PHYHD1: variants seen among roughly 807,000 people sequenced by gnomAD.
The protein encoded by PHYHD1 is phytanoyl-CoA dioxygenase domain-containing protein 1.
In PHYHD1, 42 loss-of-function variants were observed where a neutral mutation model predicts 43.6. The ratio of observed to expected loss-of-function variants is 0.96; its 90% CI spans 0.75 to 1.25. The LOEUF is 1.25. Among genes scored for constraint, PHYHD1 ranks in the 50% most tolerant of loss-of-function variants. The pLI, the probability that PHYHD1 is intolerant of heterozygous loss-of-function variation, is 0.00. For missense variants in PHYHD1, 342 were observed against 370.8 expected (o/e 0.92, Z 0.64); for synonymous variants, 139 against 143.6 (o/e 0.97, Z 0.23).
chr9:128,942,039 G>C (rs948186240), downstream of PHYHD1: 1 of 427,290 alleles, frequency 2.3e-6, no homozygotes, highest in Non-Finnish European at 4.3e-6. Context: ...TCAGAATGCA[G>C]CTTCCCTACT....
intron 4 of PHYHD1, among the ~76,000 whole-genome samples, chr9:128,928,849 G>A (rs1215860913): frequency 2.0e-5 from 3 of 152,148 alleles, no homozygotes; most frequent in Non-Finnish European, 4.4e-5. Flanking sequence ...ATCAGTGGGC[G>A]TCCTGTTTCA....
At chr9:128,938,406 G>A (rs1407402658) in intron 9 of PHYHD1, among the ~76,000 whole-genome samples, 5 of 152,104 alleles carry the variant, frequency 3.3e-5, no homozygotes, top group East Asian at 1.9e-4. Flanking sequence ...AGGGCTGCAT[G>A]GGCCTGGGAA....
chr9:128,927,008 G>C, intron 3 of PHYHD1, 30 bp from the exon 4 acceptor site: 2 of 1,614,020 alleles, frequency 1.2e-6, no homozygotes, highest in Non-Finnish European at 1.7e-6. Flanking sequence ...TTGCAGACTG[G>C]GGAAGCCTGA....
intron 9 of PHYHD1, chr9:128,937,991 G>C: frequency 4.2e-6 from 6 of 1,421,660 alleles, no homozygotes; most frequent in Non-Finnish European, 5.5e-6. Flanking sequence ...GAGCCTGCCA[G>C]CAACCCCAGC....
intron 3 of PHYHD1, among the ~76,000 whole-genome samples, chr9:128,925,350 C>T (rs987122689): frequency 1.1e-4 from 17 of 151,608 alleles, no homozygotes; most frequent in Non-Finnish European, 1.9e-4. Context: ...CTCAGCCTCC[C>T]GAGTAGCTGG....
rs539023708 is a variant in PHYHD1, at chr9:128,936,506, G to A, written c.372+3G>A. ...TCACACACTCCTTCAAGGTGCAGGT[G>A]AGCAGAGGTGGGGGTGAGGGCCAGG... On this transcript the variant is annotated splice_donor_region_variant and intron_variant, in intron 7 of 12. Coordinates refer to ENST00000372592, the MANE Select transcript of PHYHD1 (RefSeq NM_001100876.2). 1.2e-6 allele frequency: 2 copies of A among 1,613,802 alleles called. No homozygotes were observed. The highest frequency in any genetic ancestry group is 2.2e-5 in the East Asian group (1 of 44,862).
chr9:128,929,089 G>C (rs1841208140), intron 4 of PHYHD1, among the ~76,000 whole-genome samples: 1 of 152,194 alleles, frequency 6.6e-6, no homozygotes, highest in Non-Finnish European at 1.5e-5. Context: ...AGCAGTTTGG[G>C]AGGCCAAGCA....
In PHYHD1 at chr9:128,930,169, A is replaced by G. The variant is rs577182892; in HGVS notation, c.192+2973A>G. 7.2e-5 allele frequency among the ~76,000 whole-genome samples: 11 copies of G among 151,916 alleles called. No homozygotes were observed. The South Asian group carries it at 1.0e-3, about 14-fold the overall frequency. On this transcript the variant is annotated intron_variant, in intron 4 of 12. Transcript: ENST00000372592. ...GTGATGCACGTGTGTAATCCTGGCT[A>G]CTTGGGAGGCTGAGACAGGAGGATA...
chr9:128,940,273 GA>G, intron 9 of PHYHD1, 95 bp from the exon 10 acceptor site: 1 of 1,547,426 alleles, frequency 6.5e-7, no homozygotes, highest in Non-Finnish European at 8.8e-7. Flanking sequence ...GCTGGCCCTG[GA>G]GAGCACCCAG....
At chr9:128,933,425 C>T (rs1238483419) in intron 4 of PHYHD1, among the ~76,000 whole-genome samples, 3 of 152,016 alleles carry the variant, frequency 2.0e-5, no homozygotes, top group Non-Finnish European at 4.4e-5. Flanking sequence ...AGGTGTGAGT[C>T]GTTACTCCCA....
rs779247389 is a variant in PHYHD1, at chr9:128,940,734, CAG to C, written c.703+24_703+25del. 43 of 1,608,888 alleles carry C rather than the reference CAG, an allele frequency of 2.7e-5. No homozygotes were observed. The African/African-American group carries it at 5.2e-4, about 20-fold the overall frequency. The stretch of plus-strand genomic sequence containing the variant: ...CAGAGAGGTAGGCAGATGCAGAGGG[CAG>C]AGAGGCAGGGGGCTGAGTCCATCAG... On this transcript the variant is annotated intron_variant, in intron 11 of 12. Transcript: ENST00000372592.
At chr9:128,935,323 C>T (rs988153268) in intron 6 of PHYHD1, among the ~76,000 whole-genome samples, 7 of 152,196 alleles carry the variant, frequency 4.6e-5, no homozygotes, top group Middle Eastern at 3.4e-3. Context: ...GTAAAATACA[C>T]GTAAGATTTA....
At chr9:128,930,506 G>A (rs1368453265) in intron 4 of PHYHD1, among the ~76,000 whole-genome samples, 1 of 151,470 alleles carries the variant, frequency 6.6e-6, no homozygotes, top group East Asian at 1.9e-4. Context: ...AGCACTTTGG[G>A]AGGCTGAGGT....
At position 128,922,359 on chromosome 9, in the gene PHYHD1, A is replaced by G; in HGVS notation, c.33+3A>G. 6.5e-7 allele frequency: 1 copy of G among 1,549,116 alleles called. No individual in the cohort carries two copies. The highest frequency in any genetic ancestry group is 1.2e-5 in the South Asian group (1 of 83,924). ...TGAGCCCCTCGCAGCTCCAGAAGGTAGGAGCCTGCAAGTCGGGGCCGGGAG... is the reference window on the plus strand; with the variant it reads ...TGAGCCCCTCGCAGCTCCAGAAGGTGGGAGCCTGCAAGTCGGGGCCGGGAG... On this transcript the variant is annotated splice_donor_region_variant and intron_variant, in intron 3 of 12. Coordinates refer to ENST00000372592, the MANE Select transcript of PHYHD1 (RefSeq NM_001100876.2).
intron 4 of PHYHD1, among the ~76,000 whole-genome samples, chr9:128,930,650 A>T (rs1841249285): frequency 6.6e-6 from 1 of 151,132 alleles, no homozygotes. Flanking sequence ...AGAAAAAAAC[A>T]AACAAAAAAA....
chr9:128,924,527 G>C (rs1318144198), intron 3 of PHYHD1, among the ~76,000 whole-genome samples: 2 of 149,372 alleles, frequency 1.3e-5, no homozygotes, highest in Admixed American at 6.7e-5. Context: ...CAGGAGGATT[G>C]ATTGAGCCCA....
At chr9:128,930,048 C>A (rs1442782179) in intron 4 of PHYHD1, among the ~76,000 whole-genome samples, 1 of 151,024 alleles carries the variant, frequency 6.6e-6, no homozygotes, top group African/African-American at 2.4e-5. Context: ...GAGGCCAAGG[C>A]AGGCAGATCA....
intron 4 of PHYHD1, among the ~76,000 whole-genome samples, chr9:128,933,429 A>G (rs1196242909): frequency 6.6e-6 from 1 of 151,754 alleles, no homozygotes; most frequent in Non-Finnish European, 1.5e-5. Flanking sequence ...GTGAGTCGTT[A>G]CTCCCAGCCA....
intron 4 of PHYHD1, among the ~76,000 whole-genome samples, chr9:128,931,119 TG>T (rs1332521003): frequency 6.6e-6 from 1 of 151,948 alleles, no homozygotes; most frequent in East Asian, 1.9e-4. Context: ...AGGATTTTTT[TG>T]TTTTGTTTGA....
Sources: gnomAD v4.1 joint callset for allele counts (sites outside exome capture counted in the v4.1 genomes callset) on GRCh38, gnomAD v4.1.1 for gene constraint, MANE v1.5 for transcripts, NCBI Gene and HGNC (gene_info 2026-07-23, HGNC 2026-07-21) for gene names.